The following NRXN3 variants were observed in gnomAD, a reference collection of about 807,000 sequenced individuals.
NRXN3 encodes the protein neurexin 3.
Under a neutral mutation model 137.6 loss-of-function variants are expected in NRXN3, and 32 were observed. The ratio of observed to expected loss-of-function variants is 0.23; its 90% CI spans 0.18 to 0.31. The LOEUF is 0.31. Ranked by LOEUF, NRXN3 falls within the 10% of genes least tolerant of loss-of-function variation. The probability of loss-of-function intolerance (pLI) is 1.00; values close to 1 mark genes in which losing one functional copy is unlikely to be tolerated. For synonymous variants in NRXN3, 798 were observed against 784.5 expected, an observed-to-expected ratio of 1.02 and a Z score of -0.29; for missense variants, 1,574 against 2,062.5, an observed-to-expected ratio of 0.76 and a Z score of 4.59.
At chr14:78,833,040 A>G (rs547868594) in intron 10 of NRXN3, among the ~76,000 whole-genome samples, 1 of 152,252 alleles carries the variant, frequency 6.6e-6, no homozygotes, top group Admixed American at 6.5e-5. Flanking sequence ...GGGGTTGGAG[A>G]TAGACTCCAT....
At chr14:78,497,876 G>T (rs1284969831) in intron 4 of NRXN3, among the ~76,000 whole-genome samples, 1 of 152,150 alleles carries the variant, frequency 6.6e-6, no homozygotes, top group Non-Finnish European at 1.5e-5. Context: ...TCGAAGAGTT[G>T]TTATAAGGAT....
intron 8 of NRXN3, among the ~76,000 whole-genome samples, chr14:78,748,209 T>C (rs1200997437): frequency 6.6e-6 from 1 of 152,172 alleles, no homozygotes; most frequent in Non-Finnish European, 1.5e-5. Flanking sequence ...TATATGATGA[T>C]GTCATCTCAA....
intron 4 of NRXN3, among the ~76,000 whole-genome samples, chr14:78,314,991 CT>C (rs1567236140): frequency 4.3e-4 from 29 of 68,218 alleles, no homozygotes; most frequent in South Asian, 1.1e-3. Context: ...TCCTTCCTTT[CT>C]CTTTCTTTCT....
chr14:78,180,870 A>G (rs958357876), intron 1 of NRXN3, among the ~76,000 whole-genome samples: 3 of 152,178 alleles, frequency 2.0e-5, no homozygotes, highest in Admixed American at 2.0e-4. Context: ...CTGGGTGATG[A>G]GTATAAGTTC....
intron 2 of NRXN3, among the ~76,000 whole-genome samples, chr14:78,265,141 G>A (rs1385606356): frequency 1.3e-5 from 2 of 152,212 alleles, no homozygotes; most frequent in African/African-American, 4.8e-5. Context: ...AGCTTTTGGT[G>A]ATAGGTTGGC....
At chr14:79,397,701 A>G (rs1472034302) in intron 15 of NRXN3, among the ~76,000 whole-genome samples, 1 of 152,216 alleles carries the variant, frequency 6.6e-6, no homozygotes, top group Admixed American at 6.5e-5. Context: ...AAGTATTGGT[A>G]TTTATTTCCA....
intron 15 of NRXN3, among the ~76,000 whole-genome samples, chr14:79,228,782 C>T (rs1219548726): frequency 6.6e-6 from 1 of 152,116 alleles, no homozygotes; most frequent in Non-Finnish European, 1.5e-5. Flanking sequence ...TTTGAAAGTT[C>T]TTATAAAAAA....
intron 4 of NRXN3, among the ~76,000 whole-genome samples, chr14:78,516,637 C>A (rs1440504635): frequency 6.6e-6 from 1 of 151,860 alleles, no homozygotes; most frequent in African/African-American, 2.4e-5. Flanking sequence ...GTCTGTGTCC[C>A]TGAAAAGAAT....
At chr14:79,220,186 A>G (rs2069306333) in intron 15 of NRXN3, among the ~76,000 whole-genome samples, 1 of 152,220 alleles carries the variant, frequency 6.6e-6, no homozygotes, top group South Asian at 2.1e-4. Context: ...ACTATTGCCT[A>G]CATCAGAGAA....
At chr14:79,796,278 T>C (rs1025466770) in intron 19 of NRXN3, among the ~76,000 whole-genome samples, 43 of 152,312 alleles carry the variant, frequency 2.8e-4, no homozygotes, top group Middle Eastern at 3.4e-3. Flanking sequence ...AAGAAATAAA[T>C]TGAAAGGATT....
intron 4 of NRXN3, among the ~76,000 whole-genome samples, chr14:78,491,163 A>G (rs1461873302): frequency 1.3e-5 from 2 of 152,216 alleles, no homozygotes; most frequent in African/African-American, 2.4e-5. Context: ...AACTGGTAGG[A>G]TGGCGTGAGC....
At position 78,346,146 on chromosome 14, in the gene NRXN3, C is replaced by G. The variant is rs77253379; in HGVS notation, c.757+48286C>G. Among the ~76,000 whole-genome samples, 1,006 of 152,290 alleles carry G rather than the reference C, an allele frequency of 6.6e-3. 9 individuals are homozygous for G. Among genetic ancestry groups the G allele is most frequent in the Middle Eastern group, 0.01 (3 of 294 alleles). Reference sequence around the variant, plus strand: ...ACGGGTGATGGGGAAAAGCAGGCATCTTCTGATGCATGATTCTCCCAGCAA... The same window carrying G: ...ACGGGTGATGGGGAAAAGCAGGCATGTTCTGATGCATGATTCTCCCAGCAA... On this transcript the variant is annotated intron_variant, in intron 4 of 20. Coordinates refer to ENST00000335750, the MANE Select transcript of NRXN3 (RefSeq NM_001330195.2).
intron 15 of NRXN3, among the ~76,000 whole-genome samples, chr14:79,439,423 C>T (rs775764943): frequency 2.2e-4 from 33 of 152,260 alleles, no homozygotes; most frequent in Admixed American, 1.1e-3. Flanking sequence ...ATGGCCACCA[C>T]GGTGCCATGC....
At chr14:79,052,419 G>A (rs1439129256) in intron 15 of NRXN3, among the ~76,000 whole-genome samples, 1 of 152,200 alleles carries the variant, frequency 6.6e-6, no homozygotes, top group Non-Finnish European at 1.5e-5. Context: ...CCTGAGACTT[G>A]CGGATCTCAT....
At chr14:79,318,487 T>C (rs1566784422) in intron 15 of NRXN3, among the ~76,000 whole-genome samples, 1 of 152,218 alleles carries the variant, frequency 6.6e-6, no homozygotes, top group African/African-American at 2.4e-5. Flanking sequence ...AAAACCATTG[T>C]TGGAATGCCA....
chr14:78,708,553 G>A (rs915718914), intron 6 of NRXN3: 1 of 152,148 alleles, frequency 6.6e-6, no homozygotes, highest in Non-Finnish European at 1.5e-5. Context: ...ACAGTGAAAA[G>A]TAAGTCACCC....
chr14:78,778,746 C>CCTTCTT (rs2098755223), intron 8 of NRXN3, among the ~76,000 whole-genome samples: 2 of 120,524 alleles, frequency 1.7e-5, no homozygotes, highest in African/African-American at 6.7e-5. Context: ...CTCTTTCTTT[C>CCTTCTT]TTTCCTTCTT....
chr14:78,254,020 C>T (rs1425608505), intron 2 of NRXN3, among the ~76,000 whole-genome samples: 1 of 152,170 alleles, frequency 6.6e-6, no homozygotes, highest in East Asian at 1.9e-4. Context: ...TCTAACAGTT[C>T]TGAATGATGC....
intron 6 of NRXN3, among the ~76,000 whole-genome samples, chr14:78,674,637 G>A (rs1209216425): frequency 1.3e-5 from 2 of 152,160 alleles, no homozygotes; most frequent in Admixed American, 1.3e-4. Flanking sequence ...GAGTGTGGTA[G>A]GTGAAAGTTC....
Sources: allele counts gnomAD v4.1 joint callset (sites outside exome capture counted in the v4.1 genomes callset), GRCh38; gene constraint gnomAD v4.1.1; transcripts MANE v1.5; gene names NCBI Gene and HGNC (gene_info 2026-07-23, HGNC 2026-07-21).